The following ABCB7 variants were observed in gnomAD, a reference collection of about 807,000 sequenced individuals.
ABCB7 encodes the protein iron-sulfur clusters transporter ABCB7, mitochondrial.
In ABCB7, 7 loss-of-function variants were observed where a neutral mutation model predicts 54.4. The observed-to-expected ratio is 0.13, with a 90% confidence interval of 0.07 to 0.24. The LOEUF (loss-of-function observed/expected upper bound fraction) is 0.24, where lower values mean the gene tolerates loss of function less well. ABCB7 is among the 10% of genes least tolerant of loss of function. The probability of loss-of-function intolerance (pLI) is 1.00; values close to 1 mark genes in which losing one functional copy is unlikely to be tolerated. For synonymous variants in ABCB7, 218 were observed against 207.1 expected (o/e 1.05, Z -0.45); for missense variants, 356 against 570.4 (o/e 0.62, Z 3.83).
At chrX:75,079,223 G>A (rs963184386) in intron 4 of ABCB7, among the ~76,000 whole-genome samples, 5 of 111,823 alleles carry the variant, frequency 4.5e-5, no homozygotes, top group African/African-American at 1.3e-4. Context: ...AGAGTATGGC[G>A]CTACCTCTAA....
chrX:75,095,091 C>G (rs1463005464), intron 4 of ABCB7, among the ~76,000 whole-genome samples: 1 of 110,298 alleles, frequency 9.1e-6, no homozygotes, highest in Non-Finnish European at 1.9e-5. Flanking sequence ...AATAAGCAAG[C>G]AGAAGGTATG....
chrX:75,117,437 GGAGTGTTA>G (rs2081832706), intron 1 of ABCB7, among the ~76,000 whole-genome samples: 1 of 109,066 alleles, frequency 9.2e-6, no homozygotes. Flanking sequence ...GCCCAACTTA[GGAGTGTTA>G]AGAGTTTCTC....
At chrX:75,068,950 C>T (rs1456171628) in intron 12 of ABCB7, 57 bp downstream of exon 12, 23 of 1,143,134 alleles carry the variant, frequency 2.0e-5, no homozygotes, top group Middle Eastern at 2.4e-4. Flanking sequence ...GTTCTAGTTA[C>T]GGATTGATCA....
intron 4 of ABCB7, chrX:75,097,658 TG>T (rs1431752376): frequency 9.0e-6 from 1 of 111,581 alleles, no homozygotes; most frequent in African/African-American, 3.3e-5. Flanking sequence ...TGGTAAGAAC[TG>T]GGTTCTAAAA....
chrX:75,138,682 T>C (rs890289774), intron 1 of ABCB7, among the ~76,000 whole-genome samples: 3 of 111,572 alleles, frequency 2.7e-5, no homozygotes, highest in African/African-American at 9.8e-5. Context: ...ATATAGACTC[T>C]TGAACATTAT....
intron 15 of ABCB7, 32 bp downstream of exon 15, chrX:75,060,190 TC>T (rs1285372623): frequency 9.1e-7 from 1 of 1,097,389 alleles, no homozygotes; most frequent in Admixed American, 2.2e-5. Context: ...CCAGTGTTCC[TC>T]AAATACTAAA....
intron 1 of ABCB7, among the ~76,000 whole-genome samples, chrX:75,117,694 C>G (rs891537356): frequency 4.5e-5 from 5 of 111,558 alleles, no homozygotes; most frequent in Middle Eastern, 4.6e-3. Flanking sequence ...CAGGATTAGG[C>G]ATGTACAGGA....
chrX:75,140,509 T>A (rs1468191310), intron 1 of ABCB7, among the ~76,000 whole-genome samples: 3 of 108,476 alleles, frequency 2.8e-5, no homozygotes, highest in Non-Finnish European at 3.8e-5. Context: ...AAATTCTTCA[T>A]ATTAAAATCA....
At chrX:75,146,654 A>T (rs1039467708) in intron 1 of ABCB7, among the ~76,000 whole-genome samples, 16 of 112,286 alleles carry the variant, frequency 1.4e-4, no homozygotes, top group African/African-American at 5.2e-4. Context: ...CTTATACCAT[A>T]AACAAAAATT....
At chrX:75,099,653 T>C (rs1363701876) in intron 3 of ABCB7, among the ~76,000 whole-genome samples, 1 of 111,147 alleles carries the variant, frequency 9.0e-6, no homozygotes, top group Admixed American at 9.6e-5. Flanking sequence ...CTTTGTACCA[T>C]GTTCCTGAGG....
At chrX:75,062,495 T>C in intron 13 of ABCB7, 64 bp from the exon 14 acceptor site, 1 of 833,327 alleles carries the variant, frequency 1.2e-6, no homozygotes, top group Non-Finnish European at 1.8e-6. Context: ...TTTTAGTGTT[T>C]CCATTGATTA....
At chrX:75,111,259 AAC>A (rs1307456603) in intron 3 of ABCB7, among the ~76,000 whole-genome samples, 2 of 112,386 alleles carry the variant, frequency 1.8e-5, no homozygotes, top group Admixed American at 1.9e-4. Flanking sequence ...TCCAGTACTT[AAC>A]ACAGAGTTTA....
At chrX:75,071,891 C>T (rs777525606) in intron 8 of ABCB7, among the ~76,000 whole-genome samples, 5 of 111,202 alleles carry the variant, frequency 4.5e-5, no homozygotes, top group South Asian at 3.8e-4. Flanking sequence ...ATTCACCCAA[C>T]GAATATTTAC....
intron 15 of ABCB7, among the ~76,000 whole-genome samples, chrX:75,058,064 G>A (rs1396324723): frequency 9.0e-6 from 1 of 111,219 alleles, no homozygotes; most frequent in African/African-American, 3.3e-5. Flanking sequence ...GGCTGTGGGG[G>A]TGAGAAAGGG....
intron 1 of ABCB7, among the ~76,000 whole-genome samples, chrX:75,131,186 T>C (rs979485844): frequency 1.2e-4 from 13 of 108,392 alleles, no homozygotes; most frequent in Non-Finnish European, 2.3e-4. Flanking sequence ...TAAAAAGAAA[T>C]CAGATGGACA....
At chrX:75,101,800 T>C (rs1053430247) in intron 3 of ABCB7, among the ~76,000 whole-genome samples, 1 of 111,487 alleles carries the variant, frequency 9.0e-6, no homozygotes, top group African/African-American at 3.2e-5. Context: ...CATCCCAGAA[T>C]TTTTTCAATA....
intron 4 of ABCB7, among the ~76,000 whole-genome samples, chrX:75,089,681 A>G (rs987868648): frequency 3.6e-5 from 4 of 111,420 alleles, no homozygotes; most frequent in African/African-American, 1.3e-4. Flanking sequence ...ATGAACAGAA[A>G]ACAGTTACAC....
At chrX:75,105,612 C>T (rs1171155869) in intron 3 of ABCB7, among the ~76,000 whole-genome samples, 2 of 111,474 alleles carry the variant, frequency 1.8e-5, no homozygotes, top group East Asian at 5.6e-4. Context: ...AACACTATTC[C>T]TATCAAACTA....
intron 15 of ABCB7, among the ~76,000 whole-genome samples, chrX:75,055,541 G>A (rs1053318250): frequency 1.4e-4 from 8 of 57,184 alleles, no homozygotes; most frequent in Non-Finnish European, 2.3e-4. Flanking sequence ...ACACCCCCCC[G>A]CCCATCTCTA....
Sources: gnomAD v4.1 joint callset for allele counts (sites outside exome capture counted in the v4.1 genomes callset) on GRCh38, gnomAD v4.1.1 for gene constraint, MANE v1.5 for transcripts, NCBI Gene and HGNC (gene_info 2026-07-23, HGNC 2026-07-21) for gene names.